IL5RA: variants seen among roughly 807,000 people sequenced by gnomAD.
IL5RA encodes interleukin-5 receptor subunit alpha.
Under a neutral mutation model 50.0 loss-of-function variants are expected in IL5RA, and 49 were observed. That is an observed-to-expected ratio of 0.98 (90% confidence interval 0.78 to 1.24). IL5RA has a LOEUF of 1.24. Ranked by LOEUF, IL5RA falls within the 50% of genes most tolerant of loss-of-function variation. IL5RA has a pLI of 0.00. For synonymous variants in IL5RA, 202 were observed against 174.0 expected (o/e 1.16, Z -1.26); for missense variants, 600 against 500.4 (o/e 1.20, Z -1.90).
chr3:3,108,292 A>T (rs1487378921), intron 2 of IL5RA, among the ~76,000 whole-genome samples: 1 of 152,200 alleles, frequency 6.6e-6, no homozygotes, highest in Non-Finnish European at 1.5e-5. Context: ...AGGACCACTT[A>T]TCATGCATGC....
rs2125983644 is a variant in IL5RA at position 3,101,718 on chromosome 3, G to A, written c.341C>T (p.Ala114Val). Reference protein sequence around the residue: ...NDHSLLASSWASAELHAPPGS... With the variant: ...NDHSLLASSWVSAELHAPPGS... The stretch of plus-strand genomic sequence containing the variant: ...TGGTGGGGCATGAAGTTCAGCAGAA[G>A]CCCAGCTGCTGGCCAGTAGTGAGTG... The change falls in exon 5 of 12, where the codon GCT becomes GTT. Residue 114 changes from alanine to valine, a missense_variant. Transcript: ENST00000446632. 1 of 1,614,098 alleles carries A rather than the reference G, an allele frequency of 6.2e-7. No homozygotes were observed. The highest frequency in any genetic ancestry group is 8.5e-7 in the Non-Finnish European group (1 of 1,179,996).
chr3:3,099,441 C>T (rs147732199), intron 5 of IL5RA, among the ~76,000 whole-genome samples: 1 of 152,090 alleles, frequency 6.6e-6, no homozygotes, highest in East Asian at 1.9e-4. Flanking sequence ...CAAGACTGGG[C>T]AACATGGCAA....
chr3:3,081,022 T>G (rs1702646689), intron 9 of IL5RA, among the ~76,000 whole-genome samples: 1 of 149,050 alleles, frequency 6.7e-6, no homozygotes, highest in South Asian at 2.1e-4. Context: ...TTTTTTCAAG[T>G]TTTTTTTTGA....
rs994349285 is a variant in IL5RA, at chr3:3,085,002, C to A, written c.994+7222G>T. 3.3e-5 allele frequency among the ~76,000 whole-genome samples: 5 copies of A among 152,258 alleles called. No individual in the cohort carries two copies. In the South Asian group the frequency reaches 6.2e-4, roughly 19 times the overall value. ...CTGAAAGCACTGTGGGAACTCCCTG[C>A]TCCTGGCATTTGGAGATGAAATCTG... On this transcript the variant is annotated intron_variant, in intron 9 of 11. Transcript: ENST00000446632.
chr3:3,101,860 A>C lies in IL5RA; in HGVS notation c.229-30T>G, dbSNP rs1383322154. The C allele has an allele frequency of 5.0e-6, 8 of 1,600,130 alleles. No homozygotes were observed. The East Asian group carries it at 1.8e-4, about 36-fold the overall frequency. On this transcript the variant is annotated intron_variant, in intron 4 of 11. Transcript: ENST00000446632. ...AAATAAAACCCACAAGTCATGATAC[A>C]TAAAAGAGAACTAGACTTAAGAGAG...
At chr3:3,083,910 G>A (rs1037094176) in intron 9 of IL5RA, among the ~76,000 whole-genome samples, 4 of 152,066 alleles carry the variant, frequency 2.6e-5, no homozygotes, top group African/African-American at 7.2e-5. Context: ...TTAGCCAGGC[G>A]GGGTGGCATG....
chr3:3,100,024 T>C (rs948394047), intron 5 of IL5RA, among the ~76,000 whole-genome samples: 1 of 152,220 alleles, frequency 6.6e-6, no homozygotes, highest in Non-Finnish European at 1.5e-5. Context: ...TCTCAAATTA[T>C]GTGACTAGAA....
intron 11 of IL5RA, among the ~76,000 whole-genome samples, chr3:3,070,971 G>C (rs1164490370): frequency 6.6e-6 from 1 of 152,040 alleles, no homozygotes; most frequent in African/African-American, 2.4e-5. Context: ...CATCACTTTT[G>C]ATAGCTTCAT....
At position 3,092,343 on chromosome 3, in the gene IL5RA, T is replaced by C. The variant is rs766664100; in HGVS notation, c.875A>G (p.Asn292Ser). 8.5e-5 allele frequency: 137 copies of C among 1,613,474 alleles called. No individual in the cohort carries two copies. The highest frequency in any genetic ancestry group is 1.0e-4 in the Non-Finnish European group (120 of 1,179,886). ...ATCATCAATTATTGAGATGAATGCA[T>C]TGGTCATCAATTTTTCTATCTAAGT... ...GYLQIEKLMT[N>S]AFISIIDDLS... Residue 292 changes from asparagine (N) to serine (S), a missense_variant, in exon 9 of 12, where the codon AAT (asparagine) becomes AGT (serine). Transcript: ENST00000446632. This position sits in a 1 kb window ranked among gnomAD's most constrained non-coding sequence, Gnocchi z 4.2.
At chr3:3,086,301 G>T (rs1702860305) in intron 9 of IL5RA, among the ~76,000 whole-genome samples, 1 of 152,210 alleles carries the variant, frequency 6.6e-6, no homozygotes, top group African/African-American at 2.4e-5. Context: ...TGGATGGCGG[G>T]AAGAAGAGAA....
At chr3:3,072,847 G>C (rs1031923730) in intron 11 of IL5RA, among the ~76,000 whole-genome samples, 4 of 152,244 alleles carry the variant, frequency 2.6e-5, no homozygotes, top group Non-Finnish European at 4.4e-5. Flanking sequence ...GGGAGGTGGA[G>C]GTTGCAGTGA....
At chr3:3,091,070 G>A (rs17878699) in intron 9 of IL5RA, among the ~76,000 whole-genome samples, 1,756 of 152,214 alleles carry the variant, frequency 0.012, 22 homozygotes, top group Non-Finnish European at 0.018. Context: ...CCATTTGATC[G>A]TAACATAAAC....
rs939665109 is a variant in IL5RA at position 3,067,968 on chromosome 3, G to C, written c.*2257C>G. The stretch of plus-strand genomic sequence containing the variant: ...CAACTGTCTGGGTTGTGGTTTGAAA[G>C]AGATCAGACAGGGTGCTCCAAGCCG... On this transcript the variant is annotated 3_prime_UTR_variant, in exon 12 of 12. Coordinates refer to ENST00000446632, the MANE Select transcript of IL5RA (RefSeq NM_175726.4). The C allele has an allele frequency of 7.2e-5, 11 of 152,236 alleles. No individual in the cohort carries two copies. The highest frequency in any genetic ancestry group is 1.7e-4 in the African/African-American group (7 of 41,470). 9.4% of individuals were successfully genotyped at this position (152,236 alleles called of 1,614,324 possible). A position where few individuals can be genotyped will look rare whatever the true frequency, so the allele number is the denominator to read the frequency against.
intron 9 of IL5RA, among the ~76,000 whole-genome samples, chr3:3,090,738 T>A (rs1407696751): frequency 5.9e-5 from 9 of 151,540 alleles, no homozygotes; most frequent in Admixed American, 5.9e-4. Context: ...GGCTAATTTT[T>A]TGTTGTTGTA....
chr3:3,090,830 C>T lies in IL5RA; in HGVS notation c.994+1394G>A, dbSNP rs1393448274. ...CCTCGTGATCTGCCCATCTCGGCCT[C>T]CCAAAGTGCTGGGATTACAGGAGTG... On this transcript the variant is annotated intron_variant, in intron 9 of 11. Coordinates refer to ENST00000446632, the MANE Select transcript of IL5RA (RefSeq NM_175726.4). 2.0e-5 allele frequency among the ~76,000 whole-genome samples: 3 copies of T among 152,200 alleles called. No individual in the cohort carries two copies. In the East Asian group the frequency reaches 5.8e-4, roughly 29 times the overall value.
chr3:3,099,500 G>A (rs144936977), intron 5 of IL5RA, among the ~76,000 whole-genome samples: 52 of 152,066 alleles, frequency 3.4e-4, no homozygotes, highest in African/African-American at 1.2e-3. Context: ...GTGGCGGCAT[G>A]TGCCTATAGT....
chr3:3,076,952 T>A (rs1221674695), intron 9 of IL5RA, among the ~76,000 whole-genome samples: 5 of 152,232 alleles, frequency 3.3e-5, no homozygotes, highest in African/African-American at 1.2e-4. Flanking sequence ...TCTTGGAGCT[T>A]ATCTGTTTTT....
At chr3:3,107,355 C>A (rs188227365) in intron 2 of IL5RA, among the ~76,000 whole-genome samples, 94 of 144,182 alleles carry the variant, frequency 6.5e-4, no homozygotes, top group Middle Eastern at 3.4e-3. Flanking sequence ...TCTCTGTGGC[C>A]CCTTAATACT....
intron 9 of IL5RA, among the ~76,000 whole-genome samples, chr3:3,083,018 C>G (rs1300260471): frequency 6.6e-6 from 1 of 152,128 alleles, no homozygotes; most frequent in African/African-American, 2.4e-5. Context: ...CCAGCAGGTG[C>G]TGGGAGAAGT....
Sources: allele counts gnomAD v4.1 joint callset (sites outside exome capture counted in the v4.1 genomes callset), GRCh38; gene constraint gnomAD v4.1.1; non-coding constraint Gnocchi (gnomAD v3.1); transcripts MANE v1.5; gene names NCBI Gene and HGNC (gene_info 2026-07-23, HGNC 2026-07-21).